NAALADL2: variants seen among roughly 807,000 people sequenced by gnomAD.
NAALADL2 encodes N-acetylated alpha-linked acidic dipeptidase like 2, also known as inactive N-acetylated-alpha-linked acidic dipeptidase-like protein 2.
In NAALADL2, 76 loss-of-function variants were observed where a neutral mutation model predicts 87.2. The ratio of observed to expected loss-of-function variants is 0.87; its 90% confidence interval spans 0.72 to 1.05. NAALADL2 has a LOEUF of 1.05. NAALADL2 is among the 50% of genes least tolerant of loss of function. The pLI is 0.00. For missense variants in NAALADL2, 1,089 were observed against 945.8 expected, an observed-to-expected ratio of 1.15 and a Z score of -1.99; for synonymous variants, 354 against 331.0, an observed-to-expected ratio of 1.07 and a Z score of -0.75.
At chr3:175,254,316 T>C (rs1390835133) in intron 3 of NAALADL2, among the ~76,000 whole-genome samples, 2 of 152,188 alleles carry the variant, frequency 1.3e-5, no homozygotes, top group Admixed American at 1.3e-4. Context: ...AAAAATGTAC[T>C]GAACACTCAG....
chr3:174,586,173 C>A (rs1192469168), intron 2 of NAALADL2, among the ~76,000 whole-genome samples: 1 of 152,126 alleles, frequency 6.6e-6, no homozygotes, highest in African/African-American at 2.4e-5. Context: ...ATGGACCAAG[C>A]AATCATTTAT....
intron 1 of NAALADL2, among the ~76,000 whole-genome samples, chr3:175,003,513 T>G (rs1174557613): frequency 6.6e-6 from 1 of 152,216 alleles, no homozygotes; most frequent in African/African-American, 2.4e-5. Context: ...TGACTAAAGA[T>G]GCAGTTGTAT....
intron 1 of NAALADL2, among the ~76,000 whole-genome samples, chr3:174,957,373 A>G (rs1226995643): frequency 6.6e-6 from 1 of 152,042 alleles, no homozygotes; most frequent in Non-Finnish European, 1.5e-5. Flanking sequence ...AGCCTAGGCC[A>G]GGCCTGAACT....
At chr3:174,821,828 T>C (rs977098705) in intron 3 of NAALADL2, among the ~76,000 whole-genome samples, 2 of 152,198 alleles carry the variant, frequency 1.3e-5, no homozygotes. Flanking sequence ...TTGAGAATTA[T>C]CACTAGCTTT....
intron 2 of NAALADL2, among the ~76,000 whole-genome samples, chr3:174,704,921 C>T (rs563428039): frequency 6.6e-6 from 1 of 152,282 alleles, no homozygotes; most frequent in East Asian, 1.9e-4. Context: ...TATTTTTGGT[C>T]ACAAAAACAT....
At chr3:175,172,463 C>A (rs1390548968) in intron 2 of NAALADL2, among the ~76,000 whole-genome samples, 1 of 152,046 alleles carries the variant, frequency 6.6e-6, no homozygotes, top group Non-Finnish European at 1.5e-5. Flanking sequence ...AAGTGATAAC[C>A]CTGTAGTTCT....
intron 9 of NAALADL2, among the ~76,000 whole-genome samples, chr3:175,500,884 C>G (rs1345305222): frequency 1.3e-5 from 2 of 152,132 alleles, no homozygotes; most frequent in African/African-American, 4.8e-5. Context: ...AAATAATTCT[C>G]TACACACACA....
In NAALADL2 at chr3:175,296,278, C is replaced by T. The variant is rs73047211; in HGVS notation, c.940-27897C>T. 9.9e-3 allele frequency among the ~76,000 whole-genome samples: 1,508 copies of T among 152,116 alleles called. 25 individuals carry two copies. Among genetic ancestry groups the T allele is most frequent in the African/African-American group, 0.035 (1,433 of 41,484 alleles). On this transcript the variant is annotated intron_variant, in intron 4 of 13. Coordinates refer to ENST00000454872, the MANE Select transcript of NAALADL2 (RefSeq NM_207015.3). ...GGGATCCTACATCTTGCATTGGTTG[C>T]GATAATCCCACAAATGGAAGAGCTG... is the stretch of plus-strand genomic sequence containing the variant.
intron 2 of NAALADL2, among the ~76,000 whole-genome samples, chr3:174,609,903 A>G (rs1204506130): frequency 6.6e-6 from 1 of 152,156 alleles, no homozygotes; most frequent in Non-Finnish European, 1.5e-5. Flanking sequence ...ATGCTACCTG[A>G]CTTCAAACTA....
At chr3:175,161,680 A>G (rs1733244840) in intron 2 of NAALADL2, among the ~76,000 whole-genome samples, 1 of 135,580 alleles carries the variant, frequency 7.4e-6, no homozygotes, top group Non-Finnish European at 1.5e-5. Flanking sequence ...ACAAATGTGC[A>G]TCATATAGCA....
At chr3:174,722,485 G>A (rs1731798461) in intron 2 of NAALADL2, among the ~76,000 whole-genome samples, 2 of 152,136 alleles carry the variant, frequency 1.3e-5, no homozygotes, top group South Asian at 4.1e-4. Flanking sequence ...GGTGGATCAC[G>A]TGGTCAGGAG....
chr3:175,471,577 C>A, intron 8 of NAALADL2, 62 bp from the exon 9 acceptor site: 2 of 904,286 alleles, frequency 2.2e-6, no homozygotes, highest in Non-Finnish European at 3.4e-6. Context: ...CAACATCTAA[C>A]TAATAAAGTA....
At chr3:174,667,545 G>GTT (rs71162402) in intron 2 of NAALADL2, among the ~76,000 whole-genome samples, 19 of 123,764 alleles carry the variant, frequency 1.5e-4, no homozygotes, top group African/African-American at 2.4e-4. Context: ...ATGGGAGAGA[G>GTT]TTTTTTTTTT....
At chr3:175,636,696 T>TA (rs529189291) in intron 11 of NAALADL2, among the ~76,000 whole-genome samples, 4,906 of 82,168 alleles carry the variant, frequency 0.06, 140 homozygotes, top group East Asian at 0.17. Flanking sequence ...AGACTCCATC[T>TA]AAAAAAAAAA....
intron 2 of NAALADL2, among the ~76,000 whole-genome samples, chr3:174,733,251 C>A (rs1264285784): frequency 6.6e-6 from 1 of 152,086 alleles, no homozygotes; most frequent in African/African-American, 2.4e-5. Context: ...CTAATTCAGG[C>A]AAGTTTTTCT....
intron 5 of NAALADL2, among the ~76,000 whole-genome samples, chr3:175,367,098 A>G (rs1560440039): frequency 6.6e-6 from 1 of 151,066 alleles, no homozygotes; most frequent in Non-Finnish European, 1.5e-5. Context: ...TTTTCCCAGC[A>G]CCATTTATTA....
At chr3:174,925,523 C>T (rs1735884153) in intron 1 of NAALADL2, among the ~76,000 whole-genome samples, 2 of 152,138 alleles carry the variant, frequency 1.3e-5, no homozygotes, top group African/African-American at 2.4e-5. Context: ...CAGCTTTGTT[C>T]TTTCGGCTTA....
chr3:174,789,927 A>G (rs1300332186), intron 3 of NAALADL2, among the ~76,000 whole-genome samples: 1 of 152,140 alleles, frequency 6.6e-6, no homozygotes. Context: ...GAAGCATTAG[A>G]TGGTGTACCT....
intron 5 of NAALADL2, among the ~76,000 whole-genome samples, chr3:175,423,896 T>C (rs1716315820): frequency 6.6e-6 from 1 of 152,142 alleles, no homozygotes; most frequent in African/African-American, 2.4e-5. Flanking sequence ...TGTAAAAATG[T>C]TCCTATTTGT....
Sources: gnomAD v4.1 joint callset for allele counts (sites outside exome capture counted in the v4.1 genomes callset) on GRCh38, gnomAD v4.1.1 for gene constraint, MANE v1.5 for transcripts, NCBI Gene and HGNC (gene_info 2026-07-23, HGNC 2026-07-21) for gene names.